Variants in GALR1 observed in about 807,000 individuals in gnomAD.
GALR1 encodes galanin receptor type 1.
A neutral mutation model predicts 17.9 loss-of-function variants in GALR1; 11 were observed. The ratio of observed to expected loss-of-function variants is 0.62; its 90% CI spans 0.39 to 1.02. The LOEUF (loss-of-function observed/expected upper bound fraction) is 1.02. Among genes scored for constraint, GALR1 ranks in the 50% least tolerant of loss-of-function variants. GALR1 has a pLI of 0.01. For synonymous variants in GALR1, 206 were observed against 205.7 expected (o/e 1.00, Z -0.01); for missense variants, 441 against 456.9 (o/e 0.97, Z 0.32).
chr18:77,262,670 T>C (rs1473111333), intron 2 of GALR1, among the ~76,000 whole-genome samples: 1 of 152,096 alleles, frequency 6.6e-6, no homozygotes, highest in South Asian at 2.1e-4. Flanking sequence ...AAAATAGTAA[T>C]CCCCTGGAGA....
chr18:77,255,062 A>G (rs1912555596), intron 1 of GALR1, among the ~76,000 whole-genome samples: 1 of 152,176 alleles, frequency 6.6e-6, no homozygotes, highest in South Asian at 2.1e-4. Flanking sequence ...AATAAGTTCA[A>G]TTCGATTAAA....
chr18:77,257,768 G>C (rs1912624304), intron 2 of GALR1, among the ~76,000 whole-genome samples: 1 of 152,214 alleles, frequency 6.6e-6, no homozygotes, highest in Non-Finnish European at 1.5e-5. Context: ...ACATTGTAAT[G>C]GAAGAGATCA....
At chr18:77,267,104 T>C (rs1171337667) in intron 2 of GALR1, among the ~76,000 whole-genome samples, 1 of 152,192 alleles carries the variant, frequency 6.6e-6, no homozygotes, top group Non-Finnish European at 1.5e-5. Context: ...AACTTGCTGG[T>C]GAAGTGAACA....
intron 2 of GALR1, among the ~76,000 whole-genome samples, chr18:77,259,068 GGTGGTC>G (rs1382278640): frequency 1.7e-4 from 1 of 6,036 alleles, no homozygotes; most frequent in Non-Finnish European, 2.6e-3. Flanking sequence ...TGGTGGTCAT[GGTGGTC>G]ATGGTGGCGA....
chr18:77,261,898 A>G (rs985325411), intron 2 of GALR1, among the ~76,000 whole-genome samples: 1 of 152,114 alleles, frequency 6.6e-6, no homozygotes, highest in Non-Finnish European at 1.5e-5. Flanking sequence ...ATCATAGCTC[A>G]CTGCAGCCTC....
intron 1 of GALR1, among the ~76,000 whole-genome samples, chr18:77,254,329 A>G (rs568826738): frequency 1.3e-5 from 2 of 152,232 alleles, no homozygotes; most frequent in Non-Finnish European, 2.9e-5. Context: ...GAGCTATTGA[A>G]GAGAAGCAGA....
At chr18:77,258,845 G>GTGA (rs1555672667) in intron 2 of GALR1, among the ~76,000 whole-genome samples, 53 of 5,142 alleles carry the variant, frequency 0.01, 5 homozygotes, top group African/African-American at 0.028. Flanking sequence ...GGTGGTGATG[G>GTGA]TGGTGGTGAT....
rs754119122 is a variant in GALR1, at chr18:77,268,716, C to T, written c.864C>T (p.Ala288=). ...TPASFLFRIT[A]HCLAYSNSSV... The stretch of plus-strand genomic sequence containing the variant: ...CTTCCTTCCTCTTCAGAATCACCGC[C>T]CACTGCCTGGCGTACAGCAATTCCT... The change falls in exon 3 of 3, where the codon GCC becomes GCT. Residue 288 remains alanine (A), a synonymous_variant. Transcript: ENST00000299727. 10 of 1,614,036 alleles carry T rather than the reference C, an allele frequency of 6.2e-6. No homozygotes were observed. Among genetic ancestry groups the T allele is most frequent in the Admixed American group, 1.7e-5 (1 of 59,994 alleles).
Position 77,250,272 on chromosome 18 carries a change from G to C in GALR1, c.-277G>C, listed in dbSNP as rs1265837947. On this transcript the variant is annotated 5_prime_UTR_variant, in exon 1 of 3. Transcript: ENST00000299727. ...CAGCGGGCGGAGGCGCCCGGGAAGG[G>C]GACCCCAGTGCTCTCGAGATCACCG... is the stretch of plus-strand genomic sequence containing the variant. Among the ~76,000 whole-genome samples the C allele has an allele frequency of 6.6e-6, 1 of 152,150 alleles. No homozygotes were observed. Among genetic ancestry groups the C allele is most frequent in the Non-Finnish European group, 1.5e-5 (1 of 67,996 alleles).
intron 1 of GALR1, among the ~76,000 whole-genome samples, chr18:77,254,920 C>T (rs1296083126): frequency 1.3e-5 from 2 of 152,186 alleles, no homozygotes; most frequent in Non-Finnish European, 2.9e-5. Context: ...CAGAAATTCA[C>T]GTCCCTGGGG....
Position 77,271,364 on chromosome 18 carries a change from G to A in GALR1, c.*2462G>A, listed in dbSNP as rs1196301592. ...TCAATTCCTCTTACTCAGAGTTTTG[G>A]CTGAGTCTACTTCTAAAACAAATTT... On this transcript the variant is annotated 3_prime_UTR_variant, in exon 3 of 3. Transcript: ENST00000299727. 6.6e-6 allele frequency: 1 copy of A among 151,116 alleles called. No homozygotes were observed. Among genetic ancestry groups the A allele is most frequent in the Non-Finnish European group, 1.5e-5 (1 of 67,938 alleles). 9.4% of individuals were successfully genotyped at this position (151,116 alleles called of 1,614,324 possible). A position where few individuals can be genotyped will look rare whatever the true frequency, so the allele number is the denominator to read the frequency against.
chr18:77,250,369 G>A lies in GALR1; in HGVS notation c.-180G>A, dbSNP rs552466936. ...CTCAGAAGGTCCCGGCGCAAAGACG[G>A]TGCCACCAGGCACGGCCACCGGATC... On this transcript the variant is annotated 5_prime_UTR_variant, in exon 1 of 3. In the 5' UTR this introduces an upstream ATG that the reference lacks. Coordinates refer to ENST00000299727, the MANE Select transcript of GALR1 (RefSeq NM_001480.4). Among the ~76,000 whole-genome samples the A allele has an allele frequency of 6.6e-6, 1 of 152,152 alleles. No individual in the cohort carries two copies. Among genetic ancestry groups the A allele is most frequent in the South Asian group, 2.1e-4 (1 of 4,828 alleles).
chr18:77,258,842 ATGGTGGTGGTGATGG>A (rs1406351290), intron 2 of GALR1, among the ~76,000 whole-genome samples: 6 of 4,196 alleles, frequency 1.4e-3, no homozygotes, highest in Middle Eastern at 0.1. Context: ...GATGGTGGTG[ATGGTGGTGGTGATGG>A]TGGTGGTGAT....
chr18:77,266,162 T>C (rs1012603224), intron 2 of GALR1, among the ~76,000 whole-genome samples: 1 of 152,148 alleles, frequency 6.6e-6, no homozygotes, highest in Non-Finnish European at 1.5e-5. Flanking sequence ...AGTTCAAAGT[T>C]CCACAGATCT....
rs1913134591 is a variant in GALR1 at position 77,275,295 on chromosome 18, G to A, written c.*6393G>A. The A allele has an allele frequency of 6.6e-6, 1 of 152,318 alleles. No individual in the cohort carries two copies. Among genetic ancestry groups the A allele is most frequent in the Admixed American group, 6.5e-5 (1 of 15,280 alleles). 9.4% of individuals were successfully genotyped at this position (152,318 alleles called of 1,614,324 possible). A position where few individuals can be genotyped will look rare whatever the true frequency, so the allele number is the denominator to read the frequency against. On this transcript the variant is annotated 3_prime_UTR_variant, in exon 3 of 3. Transcript: ENST00000299727. ...GAGAGGAATTCCAATGCTGGGTCTT[G>A]ACTCCCGCTGCAGGGAGCTCTCTGG...
rs1445598402 is a variant in GALR1, at chr18:77,271,655, G to A, written c.*2753G>A. 1 of 152,154 alleles carries A rather than the reference G, an allele frequency of 6.6e-6. No individual in the cohort carries two copies. The highest frequency in any genetic ancestry group is 1.9e-4 in the East Asian group (1 of 5,192). 9.4% of individuals were successfully genotyped at this position (152,154 alleles called of 1,614,324 possible). A position where few individuals can be genotyped will look rare whatever the true frequency, so the allele number is the denominator to read the frequency against. ...AGCATCAGGTTGAGGGAGAAATATT[G>A]CTTATACCTTTGAAGTCAGGCTGCT... On this transcript the variant is annotated 3_prime_UTR_variant, in exon 3 of 3. Coordinates refer to ENST00000299727, the MANE Select transcript of GALR1 (RefSeq NM_001480.4).
intron 2 of GALR1, among the ~76,000 whole-genome samples, chr18:77,260,803 ATTGT>A (rs1028401096): frequency 6.6e-6 from 1 of 152,206 alleles, no homozygotes; most frequent in African/African-American, 2.4e-5. Context: ...CTCAAAGCTG[ATTGT>A]TAAAACCTTG....
rs1913167739 is a variant in GALR1, at chr18:77,276,834, C to T, written c.*7932C>T. ...AATATCTGTTTAACTATTACATTAC[C>T]CTAGCTACAGAAATTTGTAAGTTTT... On this transcript the variant is annotated 3_prime_UTR_variant, in exon 3 of 3. Coordinates refer to ENST00000299727, the MANE Select transcript of GALR1 (RefSeq NM_001480.4). 1 of 151,988 alleles carries T rather than the reference C, an allele frequency of 6.6e-6. No homozygotes were observed. The highest frequency in any genetic ancestry group is 2.1e-4 in the South Asian group (1 of 4,824). 9.4% of individuals were successfully genotyped at this position (151,988 alleles called of 1,614,324 possible). A position where few individuals can be genotyped will look rare whatever the true frequency, so the allele number is the denominator to read the frequency against.
intron 2 of GALR1, among the ~76,000 whole-genome samples, chr18:77,266,090 A>C (rs1912938143): frequency 6.6e-6 from 1 of 152,216 alleles, no homozygotes; most frequent in Non-Finnish European, 1.5e-5. Flanking sequence ...CAAATTTTCC[A>C]AACGTTTATA....
Sources: gnomAD v4.1 joint callset for allele counts (sites outside exome capture counted in the v4.1 genomes callset) on GRCh38, gnomAD v4.1.1 for gene constraint, MANE v1.5 for transcripts, NCBI Gene and HGNC (gene_info 2026-07-23, HGNC 2026-07-21) for gene names.